The following PSD3 variants were observed in gnomAD, a reference collection of about 807,000 sequenced individuals.
PSD3 encodes PH and SEC7 domain-containing protein 3.
PSD3 carries 49 observed loss-of-function variants against 105.5 expected under a neutral mutation model. That is an observed-to-expected ratio of 0.46 (90% CI 0.37 to 0.59). The LOEUF (loss-of-function observed/expected upper bound fraction) is 0.59. Ranked by LOEUF, PSD3 falls within the 20% of genes least tolerant of loss-of-function variation. The pLI, the probability that PSD3 is intolerant of heterozygous loss-of-function variation, is 0.00. For missense variants in PSD3, 1,561 were observed against 1,263.8 expected, an observed-to-expected ratio of 1.24 and a Z score of -3.57; for synonymous variants, 557 against 457.8, an observed-to-expected ratio of 1.22 and a Z score of -2.77.
chr8:18,693,702 C>G (rs1384249590), intron 9 of PSD3, among the ~76,000 whole-genome samples: 1 of 152,194 alleles, frequency 6.6e-6, no homozygotes, highest in Non-Finnish European at 1.5e-5. Flanking sequence ...CACACTTTTC[C>G]TACGGAAGCA....
intron 4 of PSD3, among the ~76,000 whole-genome samples, chr8:18,830,421 G>A (rs111961980): frequency 8.1e-4 from 123 of 152,320 alleles, no homozygotes; most frequent in Non-Finnish European, 1.4e-3. Context: ...CATTGTGGGT[G>A]ACTCTTGCCT....
intron 1 of PSD3, among the ~76,000 whole-genome samples, chr8:18,939,248 A>G (rs1317708675): frequency 6.6e-6 from 1 of 152,184 alleles, no homozygotes; most frequent in Non-Finnish European, 1.5e-5. Context: ...GAATTCTGGA[A>G]GTTCATGAAG....
chr8:18,938,201 C>T (rs1437539856), intron 1 of PSD3, among the ~76,000 whole-genome samples: 1 of 152,206 alleles, frequency 6.6e-6, no homozygotes, highest in Non-Finnish European at 1.5e-5. Flanking sequence ...AGACAAGAAG[C>T]AGCAGAGATA....
At chr8:18,568,209 A>C (rs957159799) in intron 14 of PSD3, among the ~76,000 whole-genome samples, 2 of 152,186 alleles carry the variant, frequency 1.3e-5, no homozygotes, top group African/African-American at 2.4e-5. Context: ...ATAGAAACAC[A>C]AAATGGGCTA....
intron 1 of PSD3, among the ~76,000 whole-genome samples, chr8:18,965,780 C>T (rs1165159025): frequency 6.6e-6 from 1 of 152,124 alleles, no homozygotes; most frequent in Non-Finnish European, 1.5e-5. Context: ...ATTTTCACAC[C>T]CATGAGATGG....
intron 14 of PSD3, among the ~76,000 whole-genome samples, chr8:18,559,206 A>G (rs969893548): frequency 6.6e-6 from 1 of 152,204 alleles, no homozygotes; most frequent in Non-Finnish European, 1.5e-5. Context: ...TGTTTTCTAA[A>G]GTGTTTTTAT....
intron 3 of PSD3, among the ~76,000 whole-genome samples, chr8:18,870,526 G>A (rs1422410633): frequency 6.6e-6 from 1 of 152,162 alleles, no homozygotes; most frequent in Non-Finnish European, 1.5e-5. Flanking sequence ...ACCGGGCCCT[G>A]TCGGGGTGTT....
At chr8:18,636,847 G>T (rs1280659279) in intron 10 of PSD3, among the ~76,000 whole-genome samples, 2 of 152,214 alleles carry the variant, frequency 1.3e-5, no homozygotes, top group Admixed American at 1.3e-4. Flanking sequence ...ACACAGTGAT[G>T]AATTCGCCTG....
chr8:18,901,804 A>C (rs1445431983), intron 2 of PSD3, among the ~76,000 whole-genome samples: 1 of 152,146 alleles, frequency 6.6e-6, no homozygotes, highest in African/African-American at 2.4e-5. Context: ...TGGGCATAGT[A>C]TTCCTGGCTG....
intron 15 of PSD3, among the ~76,000 whole-genome samples, chr8:18,540,048 G>A (rs1239467153): frequency 3.3e-5 from 5 of 152,090 alleles, no homozygotes; most frequent in Admixed American, 6.5e-5. Context: ...CCCCATGAGA[G>A]GAATTATGGT....
intron 2 of PSD3, among the ~76,000 whole-genome samples, chr8:18,873,087 C>T (rs1487880925): frequency 2.6e-5 from 4 of 152,198 alleles, no homozygotes; most frequent in Non-Finnish European, 5.9e-5. Flanking sequence ...AAATACCACT[C>T]ATGAAACAGC....
At chr8:18,697,542 C>T (rs536958415) in intron 9 of PSD3, among the ~76,000 whole-genome samples, 7 of 152,208 alleles carry the variant, frequency 4.6e-5, no homozygotes, top group African/African-American at 9.6e-5. Flanking sequence ...TATCAGAAGT[C>T]AACTTGGGAA....
intron 1 of PSD3, among the ~76,000 whole-genome samples, chr8:18,963,962 G>A (rs186008541): frequency 2.4e-4 from 36 of 152,242 alleles, no homozygotes; most frequent in African/African-American, 8.2e-4. Flanking sequence ...CAGTAGGCAG[G>A]CTTTCTTCAC....
chr8:19,003,873 A>G (rs1299532489), intron 1 of PSD3, among the ~76,000 whole-genome samples: 1 of 151,922 alleles, frequency 6.6e-6, no homozygotes, highest in African/African-American at 2.4e-5. Context: ...ACTGGAGACC[A>G]CACCCACTAA....
At chr8:18,767,365 C>G (rs1807090436) in intron 8 of PSD3, among the ~76,000 whole-genome samples, 1 of 152,118 alleles carries the variant, frequency 6.6e-6, no homozygotes, top group African/African-American at 2.4e-5. Context: ...GTTACGAGTG[C>G]AGGAGAGGAA....
intron 1 of PSD3, among the ~76,000 whole-genome samples, chr8:19,081,942 C>T (rs773760991): frequency 1.3e-5 from 2 of 152,158 alleles, no homozygotes; most frequent in African/African-American, 2.4e-5. Flanking sequence ...ATAAGTTCAT[C>T]GACTGAAAGC....
At chr8:18,652,397 G>C (rs1344414430) in intron 10 of PSD3, among the ~76,000 whole-genome samples, 1 of 151,232 alleles carries the variant, frequency 6.6e-6, no homozygotes, top group Non-Finnish European at 1.5e-5. Context: ...ATGGGTCAGA[G>C]AAAGTCTAGT....
At chr8:18,562,897 A>G (rs1801486405) in intron 14 of PSD3, among the ~76,000 whole-genome samples, 1 of 8,562 alleles carries the variant, frequency 1.2e-4, no homozygotes, top group Non-Finnish European at 1.5e-3. Flanking sequence ...TAGATAAAGA[A>G]AAAGAAAAAG....
At chr8:18,827,681 G>A (rs1813310868) in intron 4 of PSD3, among the ~76,000 whole-genome samples, 2 of 152,104 alleles carry the variant, frequency 1.3e-5, no homozygotes, top group Non-Finnish European at 2.9e-5. Flanking sequence ...ACTCCTGCAA[G>A]GGTCGAGGTG....
Sources: allele counts gnomAD v4.1 joint callset (sites outside exome capture counted in the v4.1 genomes callset), GRCh38; gene constraint gnomAD v4.1.1; transcripts MANE v1.5; gene names NCBI Gene and HGNC (gene_info 2026-07-23, HGNC 2026-07-21).